Variants in PPP2R2B observed in about 807,000 individuals in gnomAD.
The protein encoded by PPP2R2B is serine/threonine-protein phosphatase 2A 55 kDa regulatory subunit B beta isoform.
In PPP2R2B, 5 loss-of-function variants were observed where a neutral mutation model predicts 46.0. That is an observed-to-expected ratio of 0.11 (90% confidence interval 0.06 to 0.23). The LOEUF (loss-of-function observed/expected upper bound fraction) is 0.23, where lower values mean the gene tolerates loss of function less well. PPP2R2B is among the 10% of genes least tolerant of loss of function. The pLI is 1.00. For missense variants in PPP2R2B, 367 were observed against 575.0 expected (o/e 0.64, Z 3.70); for synonymous variants, 215 against 206.7 (o/e 1.04, Z -0.34).
chr5:146,768,141 A>G (rs1196400039), intron 2 of PPP2R2B, among the ~76,000 whole-genome samples: 1 of 151,764 alleles, frequency 6.6e-6, no homozygotes, highest in Non-Finnish European at 1.5e-5. Context: ...TGGCACACTC[A>G]CAGCTCACTA....
intron 1 of PPP2R2B, among the ~76,000 whole-genome samples, chr5:147,018,846 C>G (rs757571942): frequency 4.6e-5 from 7 of 152,228 alleles, no homozygotes; most frequent in Non-Finnish European, 7.4e-5. Context: ...GTGGTAAAAA[C>G]ATGTAAAGAC....
intron 9 of PPP2R2B, 137 bp from the exon 10 acceptor site, chr5:146,590,363 G>A: frequency 2.7e-6 from 2 of 743,964 alleles, no homozygotes; most frequent in Non-Finnish European, 4.0e-6. Context: ...AACAGGCTCT[G>A]CAGTGTGATT....
intron 2 of PPP2R2B, among the ~76,000 whole-genome samples, chr5:146,723,677 C>A (rs1342107863): frequency 6.6e-6 from 1 of 152,044 alleles, no homozygotes; most frequent in Non-Finnish European, 1.5e-5. Flanking sequence ...ACTGATTGGC[C>A]CAATGGTCGA....
At chr5:146,911,650 G>A (rs1440498197) in intron 1 of PPP2R2B, among the ~76,000 whole-genome samples, 1 of 152,194 alleles carries the variant, frequency 6.6e-6, no homozygotes, top group Non-Finnish European at 1.5e-5. Flanking sequence ...GGAGACTATT[G>A]CCTTTTGGAT....
At chr5:146,972,634 C>T (rs973623639) in intron 1 of PPP2R2B, among the ~76,000 whole-genome samples, 4 of 152,072 alleles carry the variant, frequency 2.6e-5, no homozygotes, top group African/African-American at 9.7e-5. Flanking sequence ...ATCACTTGAA[C>T]ACGGGAGGCA....
chr5:146,941,166 C>T (rs1764310287), intron 1 of PPP2R2B, among the ~76,000 whole-genome samples: 1 of 152,274 alleles, frequency 6.6e-6, no homozygotes, highest in African/African-American at 2.4e-5. Flanking sequence ...GCAATCAAGC[C>T]TGACTTTGGA....
At chr5:146,712,437 T>C (rs1581932064) in intron 2 of PPP2R2B, among the ~76,000 whole-genome samples, 1 of 152,324 alleles carries the variant, frequency 6.6e-6, no homozygotes, top group Non-Finnish European at 1.5e-5. Flanking sequence ...ACCCAATCTT[T>C]AATAAATATT....
chr5:147,046,919 C>G (rs1002673826), intron 1 of PPP2R2B, among the ~76,000 whole-genome samples: 1 of 152,004 alleles, frequency 6.6e-6, no homozygotes, highest in African/African-American at 2.4e-5. Context: ...GTTACCACTC[C>G]CAGCTTCTGA....
chr5:146,736,554 A>T (rs1435189975), intron 2 of PPP2R2B, among the ~76,000 whole-genome samples: 1 of 152,232 alleles, frequency 6.6e-6, no homozygotes, highest in Non-Finnish European at 1.5e-5. Flanking sequence ...CTGCTTTAAC[A>T]TGCCTCCAAA....
At chr5:146,984,325 G>A (rs1753322473) in intron 1 of PPP2R2B, among the ~76,000 whole-genome samples, 1 of 152,126 alleles carries the variant, frequency 6.6e-6, no homozygotes, top group Admixed American at 6.5e-5. Context: ...GATTCCACAT[G>A]TAAGTGAGAA....
chr5:146,973,262 A>G (rs1162748423), intron 1 of PPP2R2B, among the ~76,000 whole-genome samples: 1 of 152,186 alleles, frequency 6.6e-6, no homozygotes, highest in Non-Finnish European at 1.5e-5. Context: ...TTGCCGGAAA[A>G]ATGTGTAGGG....
chr5:146,876,485 C>A (rs1761905603), intron 2 of PPP2R2B, among the ~76,000 whole-genome samples: 1 of 152,206 alleles, frequency 6.6e-6, no homozygotes, highest in African/African-American at 2.4e-5. Context: ...AGGCCAACTT[C>A]TCTCTTGGAT....
intron 1 of PPP2R2B, among the ~76,000 whole-genome samples, chr5:146,885,956 G>T (rs2151425219): frequency 6.6e-6 from 1 of 152,158 alleles, no homozygotes. Flanking sequence ...ATTAGTGGTT[G>T]CCAGGGACTG....
rs567561794 is a variant in PPP2R2B at position 146,589,834 on chromosome 5, T to G, written c.*113A>C. The G allele has an allele frequency of 3.6e-6, 4 of 1,119,298 alleles. No individual in the cohort carries two copies. In the South Asian group the frequency reaches 6.0e-5, roughly 17 times the overall value. 69.3% of individuals were successfully genotyped at this position (1,119,298 alleles called of 1,614,324 possible). A position where few individuals can be genotyped will look rare whatever the true frequency, so the allele number is the denominator to read the frequency against. ...CTCCTTTTAATTCTATTCCAATCATTTCCTGTATAGGGAAATTAAAGTCAA... is the reference window on the plus strand; with the variant it reads ...CTCCTTTTAATTCTATTCCAATCATGTCCTGTATAGGGAAATTAAAGTCAA... On this transcript the variant is annotated 3_prime_UTR_variant, in exon 10 of 10. Coordinates refer to ENST00000394411, the MANE Select transcript of PPP2R2B (RefSeq NM_181675.4).
chr5:146,752,915 T>G (rs757000203), intron 2 of PPP2R2B, among the ~76,000 whole-genome samples: 1 of 152,206 alleles, frequency 6.6e-6, no homozygotes, highest in African/African-American at 2.4e-5. Context: ...GGGGATCTGA[T>G]CACTTCGGGG....
chr5:146,845,441 G>C (rs921791912), intron 2 of PPP2R2B, among the ~76,000 whole-genome samples: 3 of 150,434 alleles, frequency 2.0e-5, no homozygotes, highest in Non-Finnish European at 1.5e-5. Flanking sequence ...TTTTAGTAGA[G>C]ACGGGGTTTC....
At chr5:146,967,369 T>A (rs112741081) in intron 1 of PPP2R2B, among the ~76,000 whole-genome samples, 4,145 of 152,328 alleles carry the variant, frequency 0.027, 99 homozygotes, top group Middle Eastern at 0.051. Context: ...GATTTTATTA[T>A]GTGCCAGGCA....
intron 5 of PPP2R2B, among the ~76,000 whole-genome samples, chr5:146,670,485 T>A (rs1581836690): frequency 6.8e-6 from 1 of 148,130 alleles, no homozygotes; most frequent in Non-Finnish European, 1.5e-5. Context: ...TATTATTTAT[T>A]TATTTATTTA....
intron 7 of PPP2R2B, among the ~76,000 whole-genome samples, chr5:146,622,341 G>T (rs1207581619): frequency 6.6e-6 from 1 of 152,160 alleles, no homozygotes; most frequent in Non-Finnish European, 1.5e-5. Flanking sequence ...ATCCAGTAAT[G>T]CATGTGCCAT....
Sources: gnomAD v4.1 joint callset for allele counts (sites outside exome capture counted in the v4.1 genomes callset) on GRCh38, gnomAD v4.1.1 for gene constraint, MANE v1.5 for transcripts, NCBI Gene and HGNC (gene_info 2026-07-23, HGNC 2026-07-21) for gene names.